The following NELL1 variants were observed in gnomAD, a reference collection of about 807,000 sequenced individuals.
The protein encoded by NELL1 is neural EGFL like 1.
In NELL1, 76 loss-of-function variants were observed where a neutral mutation model predicts 107.4. That is an observed-to-expected ratio of 0.71 (90% CI 0.59 to 0.86). The LOEUF (loss-of-function observed/expected upper bound fraction) is 0.86, where lower values mean the gene tolerates loss of function less well. Among genes scored for constraint, NELL1 ranks in the 40% least tolerant of loss-of-function variants. The probability of loss-of-function intolerance (pLI) is 0.00; values close to 1 mark genes in which losing one functional copy is unlikely to be tolerated. For missense variants in NELL1, 1,024 were observed against 1,005.5 expected, an observed-to-expected ratio of 1.02 and a Z score of -0.25; for synonymous variants, 353 against 341.2, an observed-to-expected ratio of 1.03 and a Z score of -0.38.
intron 2 of NELL1, among the ~76,000 whole-genome samples, chr11:20,736,864 C>G (rs1855773593): frequency 6.6e-6 from 1 of 151,744 alleles, no homozygotes; most frequent in Non-Finnish European, 1.5e-5. Flanking sequence ...AAGCAATTCT[C>G]CTGCCTCAGC....
chr11:20,999,733 A>AAC (rs397824409), intron 12 of NELL1, among the ~76,000 whole-genome samples: 25 of 151,416 alleles, frequency 1.7e-4, no homozygotes, highest in African/African-American at 5.8e-4. Flanking sequence ...AAAAAAAAAA[A>AAC]GCCCCAACTT....
At chr11:21,394,607 A>C (rs1011206244) in intron 15 of NELL1, among the ~76,000 whole-genome samples, 3 of 151,378 alleles carry the variant, frequency 2.0e-5, no homozygotes, top group Non-Finnish European at 4.4e-5. Context: ...TCCAAAAAAA[A>C]CATTATCTTA....
intron 14 of NELL1, among the ~76,000 whole-genome samples, chr11:21,299,996 G>C (rs977896322): frequency 1.3e-5 from 2 of 151,948 alleles, no homozygotes; most frequent in Non-Finnish European, 2.9e-5. Context: ...CCGACCTCTT[G>C]TGACTTTCGT....
At chr11:20,993,921 A>G (rs1852034509) in intron 12 of NELL1, among the ~76,000 whole-genome samples, 1 of 151,726 alleles carries the variant, frequency 6.6e-6, no homozygotes, top group Admixed American at 6.6e-5. Context: ...ATCAGTACGA[A>G]TCAGGCATTA....
intron 14 of NELL1, among the ~76,000 whole-genome samples, chr11:21,335,381 G>A (rs183815564): frequency 6.6e-6 from 1 of 151,910 alleles, no homozygotes; most frequent in African/African-American, 2.4e-5. Flanking sequence ...CAGTACCTGA[G>A]TTTTTTCTTA....
chr11:20,846,833 G>T (rs1463640050), intron 3 of NELL1, among the ~76,000 whole-genome samples: 1 of 152,148 alleles, frequency 6.6e-6, no homozygotes, highest in Non-Finnish European at 1.5e-5. Flanking sequence ...AATAGTTTTG[G>T]CACCTGTGAA....
At chr11:20,812,197 T>A (rs1163601536) in intron 3 of NELL1, among the ~76,000 whole-genome samples, 1 of 152,226 alleles carries the variant, frequency 6.6e-6, no homozygotes, top group Non-Finnish European at 1.5e-5. Context: ...GAGATGATCA[T>A]ATTTTTTTTT....
At chr11:21,378,918 A>T (rs1388596070) in intron 15 of NELL1, among the ~76,000 whole-genome samples, 3 of 151,806 alleles carry the variant, frequency 2.0e-5, no homozygotes, top group Admixed American at 2.0e-4. Context: ...GGGTTTTGCC[A>T]TGTTGGTCAG....
intron 14 of NELL1, among the ~76,000 whole-genome samples, chr11:21,318,678 C>T (rs964432397): frequency 6.6e-6 from 1 of 152,070 alleles, no homozygotes; most frequent in African/African-American, 2.4e-5. Flanking sequence ...TCTTAGCCTT[C>T]CCAACTTTCA....
At chr11:21,209,350 A>T (rs1590735793) in intron 13 of NELL1, among the ~76,000 whole-genome samples, 1 of 148,432 alleles carries the variant, frequency 6.7e-6, no homozygotes, top group African/African-American at 2.5e-5. Context: ...TATATATATA[A>T]AATACATAAT....
chr11:21,099,166 C>G (rs1268478060), intron 12 of NELL1, among the ~76,000 whole-genome samples: 1 of 150,736 alleles, frequency 6.6e-6, no homozygotes, highest in Admixed American at 6.7e-5. Context: ...ATTTCTTTCA[C>G]AATTTATTGG....
intron 13 of NELL1, among the ~76,000 whole-genome samples, chr11:21,167,542 C>T (rs570216284): frequency 2.0e-5 from 3 of 151,848 alleles, no homozygotes; most frequent in South Asian, 4.1e-4. Context: ...ACTTTAGATA[C>T]TGCAGTTCTC....
intron 13 of NELL1, among the ~76,000 whole-genome samples, chr11:21,174,074 C>G (rs544422549): frequency 6.6e-6 from 1 of 151,752 alleles, no homozygotes; most frequent in Non-Finnish European, 1.5e-5. Flanking sequence ...GGTTAAGGAA[C>G]ATGTCCAGGG....
chr11:21,102,380 T>C (rs1168622192), intron 12 of NELL1, among the ~76,000 whole-genome samples: 1 of 152,122 alleles, frequency 6.6e-6, no homozygotes, highest in Non-Finnish European at 1.5e-5. Context: ...GTAATGTCAC[T>C]CTAGTTGAGA....
At chr11:21,362,610 G>A (rs1851102889) in intron 14 of NELL1, among the ~76,000 whole-genome samples, 1 of 152,168 alleles carries the variant, frequency 6.6e-6, no homozygotes. Flanking sequence ...TAATGGAGTT[G>A]GTTGGCCTCC....
intron 14 of NELL1, among the ~76,000 whole-genome samples, chr11:21,309,284 A>G (rs1021499789): frequency 0.014 from 890 of 62,750 alleles, 11 homozygotes; most frequent in East Asian, 0.098. Flanking sequence ...ATATATGTAT[A>G]TATATATATA....
chr11:21,288,460 A>C (rs1451100824), intron 14 of NELL1, among the ~76,000 whole-genome samples: 4 of 152,160 alleles, frequency 2.6e-5, no homozygotes, highest in Admixed American at 2.0e-4. Context: ...TTTTTCTCTA[A>C]ATTACTCCTT....
At position 20,863,357 on chromosome 11, in the gene NELL1, G is replaced by C. The variant is rs1276878793; in HGVS notation, c.506+15604G>C. ...CCCTCCCGGACGGGGCGGCTGGCCG[G>C]GCGGGGGCTGCCCCCCACCTCCCTC... is the stretch of plus-strand genomic sequence containing the variant. On this transcript the variant is annotated intron_variant, in intron 4 of 19. Coordinates refer to ENST00000357134, the MANE Select transcript of NELL1 (RefSeq NM_006157.5). 1.1e-4 allele frequency among the ~76,000 whole-genome samples: 7 copies of C among 60,900 alleles called. 2 individuals are homozygous for C. Among genetic ancestry groups the C allele is most frequent in the Non-Finnish European group, 3.6e-4 (7 of 19,510 alleles). 40.0% of individuals were successfully genotyped at this position (60,900 alleles called of 152,430 possible).
chr11:21,248,335 G>A (rs906115320), intron 14 of NELL1, among the ~76,000 whole-genome samples: 34 of 147,110 alleles, frequency 2.3e-4, no homozygotes, highest in African/African-American at 6.0e-4. Context: ...GACAGTGAGA[G>A]CCTGTCAAAA....
Sources: gnomAD v4.1 joint callset for allele counts (sites outside exome capture counted in the v4.1 genomes callset) on GRCh38, gnomAD v4.1.1 for gene constraint, MANE v1.5 for transcripts, NCBI Gene and HGNC (gene_info 2026-07-23, HGNC 2026-07-21) for gene names.